Variants in NCAM2 observed in about 807,000 individuals in gnomAD.
NCAM2 encodes the protein N-CAM-2.
NCAM2 carries 30 observed loss-of-function variants against 98.1 expected under a neutral mutation model. The observed-to-expected ratio is 0.31, with a 90% CI of 0.23 to 0.41. The LOEUF (loss-of-function observed/expected upper bound fraction) is 0.41, where lower values mean the gene tolerates loss of function less well. NCAM2 is among the 10% of genes least tolerant of loss of function. NCAM2 has a pLI of 1.00. For missense variants in NCAM2, 867 were observed against 1,005.8 expected (o/e 0.86, Z 1.87); for synonymous variants, 368 against 342.4 (o/e 1.07, Z -0.83).
At chr21:21,113,275 C>T (rs1353713368) in intron 1 of NCAM2, among the ~76,000 whole-genome samples, 2 of 152,124 alleles carry the variant, frequency 1.3e-5, no homozygotes, top group African/African-American at 4.8e-5. Context: ...GCAGGAATCA[C>T]GGTGGCACAA....
At position 21,538,505 on chromosome 21, in the gene NCAM2, A is replaced by T. The variant is rs1990102909; in HGVS notation, c.*548A>T. 6.6e-6 allele frequency: 1 copy of T among 152,608 alleles called. No individual in the cohort carries two copies. Among genetic ancestry groups the T allele is most frequent in the Admixed American group, 6.5e-5 (1 of 15,268 alleles). The allele number at this position is 152,608 out of a possible 1,614,324, so 9.5% of individuals were successfully genotyped here. The stretch of plus-strand genomic sequence containing the variant: ...TATCTTTAGCAGATATTAAAAATTG[A>T]AAACTTTGGAGAACTCATTTCAAGT... On this transcript the variant is annotated 3_prime_UTR_variant, in exon 18 of 18. Transcript: ENST00000400546.
intron 1 of NCAM2, among the ~76,000 whole-genome samples, chr21:21,136,045 A>G (rs986516839): frequency 2.0e-5 from 3 of 149,336 alleles, no homozygotes; most frequent in Non-Finnish European, 3.0e-5. Flanking sequence ...AGTGACTTAC[A>G]AGAATTGTTT....
At chr21:21,416,135 A>G (rs936467250) in intron 10 of NCAM2, among the ~76,000 whole-genome samples, 1 of 152,294 alleles carries the variant, frequency 6.6e-6, no homozygotes, top group Admixed American at 6.5e-5. Context: ...ATGAACACCT[A>G]GAGACCATTG....
intron 16 of NCAM2, among the ~76,000 whole-genome samples, chr21:21,526,127 G>A (rs929861956): frequency 4.6e-5 from 7 of 151,924 alleles, no homozygotes; most frequent in African/African-American, 9.6e-5. Context: ...AAGAACTAGC[G>A]AAAGCCATTA....
In NCAM2 at chr21:21,318,368, C is replaced by A. The variant is rs528271157; in HGVS notation, c.620-6015C>A. ...ATTATCTCATACTGTGGAAAGACTTCTTTTGACAAAAATAAAGTCACAGTA... is the reference window on the plus strand; with the variant it reads ...ATTATCTCATACTGTGGAAAGACTTATTTTGACAAAAATAAAGTCACAGTA... On this transcript the variant is annotated intron_variant, in intron 5 of 17. Coordinates refer to ENST00000400546, the MANE Select transcript of NCAM2 (RefSeq NM_004540.5). Among the ~76,000 whole-genome samples, 17 of 152,212 alleles carry A rather than the reference C, an allele frequency of 1.1e-4. No individual in the cohort carries two copies. In the East Asian group the frequency reaches 3.3e-3, roughly 29 times the overall value.
intron 1 of NCAM2, among the ~76,000 whole-genome samples, chr21:21,177,270 A>G (rs2068324839): frequency 6.6e-6 from 1 of 152,048 alleles, no homozygotes; most frequent in Non-Finnish European, 1.5e-5. Context: ...CCTGTTTGTT[A>G]TTTTCTTTTG....
chr21:21,147,387 T>G (rs761938464), intron 1 of NCAM2: 33 of 579,392 alleles, frequency 5.7e-5, no homozygotes, highest in Non-Finnish European at 7.2e-5. Context: ...TTGGAGTGAC[T>G]CAGTCACTTC....
At chr21:21,365,555 C>A (rs974330852) in intron 8 of NCAM2, among the ~76,000 whole-genome samples, 5 of 151,350 alleles carry the variant, frequency 3.3e-5, no homozygotes, top group African/African-American at 1.2e-4. Flanking sequence ...AAAAAAATAA[C>A]CCATAATAAG....
At chr21:21,200,083 A>C (rs546627251) in intron 1 of NCAM2, among the ~76,000 whole-genome samples, 16 of 152,166 alleles carry the variant, frequency 1.1e-4, no homozygotes, top group Admixed American at 9.8e-4. Flanking sequence ...CTCTCTTTTT[A>C]ATTCTCAAGG....
chr21:21,063,178 C>T (rs941059848), intron 1 of NCAM2, among the ~76,000 whole-genome samples: 2 of 150,958 alleles, frequency 1.3e-5, no homozygotes, highest in Admixed American at 6.6e-5. Flanking sequence ...TACCCTGGTC[C>T]CTCAAGTCAT....
chr21:21,468,316 AT>A (rs1488683139), intron 13 of NCAM2, among the ~76,000 whole-genome samples: 1 of 152,012 alleles, frequency 6.6e-6, no homozygotes, highest in African/African-American at 2.4e-5. Flanking sequence ...TACAAACTAA[AT>A]TTACATTAAG....
chr21:21,308,710 C>T (rs932901999), intron 5 of NCAM2, among the ~76,000 whole-genome samples: 1 of 152,036 alleles, frequency 6.6e-6, no homozygotes, highest in Non-Finnish European at 1.5e-5. Context: ...GTTCTCTGTC[C>T]CACATTCCTT....
At chr21:21,530,015 A>G (rs1027105783) in intron 16 of NCAM2, among the ~76,000 whole-genome samples, 1 of 148,308 alleles carries the variant, frequency 6.7e-6, no homozygotes, top group African/African-American at 2.4e-5. Context: ...TAGTTTCAAA[A>G]GCAGTATCTA....
chr21:21,499,387 G>A (rs758131175), intron 15 of NCAM2, among the ~76,000 whole-genome samples: 15 of 151,984 alleles, frequency 9.9e-5, no homozygotes, highest in Non-Finnish European at 2.2e-4. Context: ...GACTACAGGC[G>A]CGTGCCACCA....
intron 1 of NCAM2, among the ~76,000 whole-genome samples, chr21:21,128,275 C>G (rs569623027): frequency 1.3e-5 from 2 of 151,414 alleles, no homozygotes; most frequent in Non-Finnish European, 2.9e-5. Flanking sequence ...CAAAGCATCA[C>G]TGGAATAAGA....
chr21:21,270,859 AT>A (rs2072470869), intron 1 of NCAM2, among the ~76,000 whole-genome samples: 3 of 152,026 alleles, frequency 2.0e-5, no homozygotes, highest in African/African-American at 7.2e-5. Context: ...TAATGATTAT[AT>A]AATACATTGC....
chr21:21,394,315 A>T (rs2076448804), intron 9 of NCAM2, among the ~76,000 whole-genome samples: 1 of 152,052 alleles, frequency 6.6e-6, no homozygotes, highest in Non-Finnish European at 1.5e-5. Flanking sequence ...ATTACCCTTT[A>T]AATGTGCCAA....
At chr21:21,037,042 CT>C (rs1236296402) in intron 1 of NCAM2, among the ~76,000 whole-genome samples, 1 of 151,854 alleles carries the variant, frequency 6.6e-6, no homozygotes. Context: ...GGGTGAAATG[CT>C]TTTTTTTGAG....
chr21:21,218,160 A>G (rs2069984328), intron 1 of NCAM2, among the ~76,000 whole-genome samples: 1 of 152,182 alleles, frequency 6.6e-6, no homozygotes, highest in Admixed American at 6.6e-5. Flanking sequence ...CTTTGCATAA[A>G]TGCGTTTAGG....
Sources: gnomAD v4.1 joint callset for allele counts (sites outside exome capture counted in the v4.1 genomes callset) on GRCh38, gnomAD v4.1.1 for gene constraint, MANE v1.5 for transcripts, NCBI Gene and HGNC (gene_info 2026-07-23, HGNC 2026-07-21) for gene names.